GSE1: variants seen among roughly 807,000 people sequenced by gnomAD.
GSE1 encodes genetic suppressor element 1.
A neutral mutation model predicts 112.6 loss-of-function variants in GSE1; 32 were observed. The observed-to-expected ratio is 0.28, with a 90% CI of 0.21 to 0.38. GSE1 has a LOEUF of 0.38. GSE1 is among the 10% of genes least tolerant of loss of function. The probability of loss-of-function intolerance (pLI) is 1.00; values close to 1 mark genes in which losing one functional copy is unlikely to be tolerated. For synonymous variants in GSE1, 1,115 were observed against 735.6 expected (o/e 1.52, Z -8.35); for missense variants, 2,348 against 1,699.2 (o/e 1.38, Z -6.71).
intron 2 of GSE1, among the ~76,000 whole-genome samples, chr16:85,509,914 G>A (rs2051675163): frequency 6.6e-6 from 1 of 152,250 alleles, no homozygotes; most frequent in South Asian, 2.1e-4. Context: ...TCCTCTGACA[G>A]AAGCTGACAA....
In GSE1 at chr16:85,655,900, T is replaced by C. The variant is rs745371132; in HGVS notation, c.972T>C (p.Ser324=). Residue 324 remains serine (S), a synonymous_variant, in exon 6 of 16, where the codon TCT becomes TCC. Transcript: ENST00000253458. Reference sequence around the variant, plus strand: ...CAGCGCTGCACTCGGAGCGCATGTCTGGCCTCAGCGCGGAGAGGTAAGTGC... The same window carrying C: ...CAGCGCTGCACTCGGAGCGCATGTCCGGCCTCAGCGCGGAGAGGTAAGTGC... ...SLAALHSERM[S]GLSAERLQMD... The C allele has an allele frequency of 6.2e-7, 1 of 1,604,478 alleles. No individual in the cohort carries two copies. The highest frequency in any genetic ancestry group is 8.5e-7 in the Non-Finnish European group (1 of 1,179,632).
In GSE1 at chr16:85,311,459, G is replaced by A. The variant is rs995480214; in HGVS notation, c.2284-46004G>A. 6.7e-6 allele frequency among the ~76,000 whole-genome samples: 1 copy of A among 149,046 alleles called. No individual in the cohort carries two copies. Among genetic ancestry groups the A allele is most frequent in the Non-Finnish European group, 1.5e-5 (1 of 66,948 alleles). ...ACCACAAGAGAGCTGCTGGGGACAG[G>A]ACGTGGGCGGAGCCCTCGGCTGCCT... On this transcript the variant is annotated intron_variant, in intron 1 of 2. Transcript: ENST00000637419. The surrounding 1 kb of genome is among the most constrained non-coding windows in gnomAD (Gnocchi z 4.2).
intron 1 of GSE1, among the ~76,000 whole-genome samples, chr16:85,298,490 C>T (rs976069757): frequency 1.3e-5 from 2 of 152,122 alleles, no homozygotes; most frequent in African/African-American, 2.4e-5. Context: ...GGCAGTGGCA[C>T]GATCTCCGCT....
intron 2 of GSE1, chr16:85,359,221 C>T: frequency 2.8e-6 from 1 of 363,336 alleles, no homozygotes; most frequent in South Asian, 2.0e-5. Context: ...TCCCCTGTGC[C>T]TAGGGCAGGC....
chr16:85,532,310 C>T (rs369479191), intron 2 of GSE1, among the ~76,000 whole-genome samples: 2 of 152,252 alleles, frequency 1.3e-5, no homozygotes, highest in East Asian at 3.9e-4. Context: ...GCCCAGGTTG[C>T]AGTGTTGTGG....
At chr16:85,446,000 C>T (rs930048907) in intron 2 of GSE1, among the ~76,000 whole-genome samples, 6 of 152,186 alleles carry the variant, frequency 3.9e-5, no homozygotes, top group Non-Finnish European at 5.9e-5. Context: ...CCACGGGTAA[C>T]GGCTGTGCGT....
At chr16:85,578,592 G>T (rs1026073749) in intron 1 of GSE1, among the ~76,000 whole-genome samples, 1 of 152,148 alleles carries the variant, frequency 6.6e-6, no homozygotes, top group African/African-American at 2.4e-5. Context: ...TAACTGACTT[G>T]CCCAGCATCC....
At chr16:85,650,435 A>G (rs117663898) in intron 3 of GSE1, among the ~76,000 whole-genome samples, 2,565 of 152,228 alleles carry the variant, frequency 0.017, 28 homozygotes, top group Non-Finnish European at 0.026. Flanking sequence ...AGGAGCTTCT[A>G]CCAGCCAGGA....
chr16:85,632,928 C>A (rs1175361262), intron 1 of GSE1, among the ~76,000 whole-genome samples: 1 of 152,178 alleles, frequency 6.6e-6, no homozygotes, highest in Non-Finnish European at 1.5e-5. Context: ...GGTGGGCGGA[C>A]TGAGGGCTTG....
chr16:85,634,535 C>T (rs1330595781), intron 2 of GSE1, among the ~76,000 whole-genome samples: 1 of 152,168 alleles, frequency 6.6e-6, no homozygotes, highest in Non-Finnish European at 1.5e-5. Context: ...TTTGACACTC[C>T]CTCCAGAAGT....
rs1345573825 is a variant in GSE1, at chr16:85,673,449, TTTTG to T, written c.*917_*920del. ...TTTGTTTGTTTTTCCTGTTTGGGGG[TTTTG>T]TTTGTTGTTTTGGTTTTTTTTGGGC... On this transcript the variant is annotated 3_prime_UTR_variant, in exon 16 of 16. Transcript: ENST00000253458. 2.6e-5 allele frequency: 4 copies of T among 151,538 alleles called. No individual in the cohort carries two copies. Among genetic ancestry groups the T allele is most frequent in the Non-Finnish European group, 4.4e-5 (3 of 67,834 alleles). The allele number at this position is 151,538 out of a possible 1,614,324, so 9.4% of individuals were successfully genotyped here. A position where few individuals can be genotyped will look rare whatever the true frequency, so the allele number is the denominator to read the frequency against.
At chr16:85,423,174 T>C (rs2048892118) in intron 2 of GSE1, among the ~76,000 whole-genome samples, 1 of 152,234 alleles carries the variant, frequency 6.6e-6, no homozygotes, top group African/African-American at 2.4e-5. Flanking sequence ...GCTCACCTTT[T>C]GTGCTGGAAA....
chr16:85,190,319 C>T (rs537536221), intron 1 of GSE1, among the ~76,000 whole-genome samples: 38 of 152,322 alleles, frequency 2.5e-4, no homozygotes, highest in African/African-American at 7.0e-4. Flanking sequence ...CTCAGAATCA[C>T]AGATCATAAA....
chr16:85,431,073 TC>T (rs2049109376), intron 2 of GSE1, among the ~76,000 whole-genome samples: 1 of 97,270 alleles, frequency 1.0e-5, no homozygotes, highest in African/African-American at 2.8e-5. Context: ...AGCCACTGCC[TC>T]GGGGGGCGGA....
intron 2 of GSE1, among the ~76,000 whole-genome samples, chr16:85,477,372 A>G (rs191246319): frequency 1.9e-4 from 29 of 151,690 alleles, no homozygotes; most frequent in African/African-American, 6.5e-4. Context: ...CAAAACTAAA[A>G]CCCTAGGAAC....
At chr16:85,219,545 T>G (rs1040953024) in intron 1 of GSE1, among the ~76,000 whole-genome samples, 9 of 152,096 alleles carry the variant, frequency 5.9e-5, no homozygotes, top group African/African-American at 1.9e-4. Flanking sequence ...GAAAGCCCCC[T>G]CTTGACAGCA....
chr16:85,170,271 G>C (rs2074337860), exon 1 of GSE1: 1 of 985,648 alleles, frequency 1.0e-6, no homozygotes, highest in African/African-American at 1.7e-5. Context: ...GGGAGCCCAA[G>C]TCCGGGGTTA....
chr16:85,607,108 G>T (rs902544233), upstream of GSE1, among the ~76,000 whole-genome samples: 1 of 151,912 alleles, frequency 6.6e-6, no homozygotes, highest in African/African-American at 2.4e-5. Flanking sequence ...CTGCAGGAGG[G>T]AGGAGAGCCA....
At chr16:85,660,905 C>G (rs1039493741) in intron 8 of GSE1, among the ~76,000 whole-genome samples, 1 of 152,078 alleles carries the variant, frequency 6.6e-6, no homozygotes, top group Non-Finnish European at 1.5e-5. Flanking sequence ...GCTGGGATTA[C>G]AGGGATGAGC....
Sources: gnomAD v4.1 joint callset for allele counts (sites outside exome capture counted in the v4.1 genomes callset) on GRCh38, gnomAD v4.1.1 for gene constraint, Gnocchi (gnomAD v3.1) non-coding constraint, MANE v1.5 for transcripts, NCBI Gene and HGNC (gene_info 2026-07-23, HGNC 2026-07-21) for gene names.